Variants in TSC2 observed in about 807,000 individuals in gnomAD.
TSC2 encodes tuberin.
In TSC2, 29 loss-of-function variants were observed where a neutral mutation model predicts 202.2. The observed-to-expected ratio is 0.14, with a 90% CI of 0.11 to 0.20. The LOEUF is 0.20. TSC2 is among the 10% of genes least tolerant of loss of function. The probability of loss-of-function intolerance (pLI) is 1.00; values close to 1 mark genes in which losing one functional copy is unlikely to be tolerated. For missense variants in TSC2, 2,429 were observed against 2,420.0 expected (o/e 1.00, Z -0.08); for synonymous variants, 1,349 against 1,044.0 (o/e 1.29, Z -5.63).
At position 2,056,750 on chromosome 16, in the gene TSC2, T is replaced by C; in HGVS notation, c.755T>C (p.Leu252Pro). ...TLCRTINVKE[L>P]CEPCWKLMRN... The stretch of plus-strand genomic sequence containing the variant: ...TGTCGCACCATCAACGTCAAGGAGC[T>C]CTGCGAGCCTTGCTGGAAGGTGGGG... The change falls in exon 8 of 42, where the codon CTC becomes CCC. Residue 252 changes from leucine to proline, a missense_variant. Leu to Pro is a moderately conservative substitution (Grantham distance 98, BLOSUM62 -3). Coordinates refer to ENST00000219476, the MANE Select transcript of TSC2 (RefSeq NM_000548.5). 1 of 1,610,492 alleles carries C rather than the reference T, an allele frequency of 6.2e-7. No homozygotes were observed. The highest frequency in any genetic ancestry group is 8.5e-7 in the Non-Finnish European group (1 of 1,180,006).
At chr16:2,062,144 C>A in intron 12 of TSC2, 136 bp downstream of exon 12, 1 of 1,305,318 alleles carries the variant, frequency 7.7e-7, no homozygotes. Context: ...CTGCACTCGG[C>A]AGGGAAGGCT....
chr16:2,060,300 C>A (rs1016638819), intron 10 of TSC2, among the ~76,000 whole-genome samples: 1 of 152,204 alleles, frequency 6.6e-6, no homozygotes, highest in Admixed American at 6.5e-5. Context: ...TCTGCTCTTC[C>A]TGCTACCCCC....
At position 2,071,631 on chromosome 16, in the gene TSC2, G is replaced by A. The variant is rs752601710; in HGVS notation, c.1946+15G>A. 57 of 1,612,858 alleles carry A rather than the reference G, an allele frequency of 3.5e-5. 1 individual carries two copies. The highest frequency in any genetic ancestry group is 1.5e-4 in the Admixed American group (9 of 59,976). On this transcript the variant is annotated intron_variant, in intron 18 of 41. Coordinates refer to ENST00000219476, the MANE Select transcript of TSC2 (RefSeq NM_000548.5). ...TGCGACTACATGTACGCGGGACCTC[G>A]CCCACGGCCCATGAGGCTCAGGGCG...
In TSC2 at chr16:2,071,875, C is replaced by T. The variant is rs876658578; in HGVS notation, c.2038C>T (p.Arg680Trp). The T allele has an allele frequency of 8.1e-6, 13 of 1,596,506 alleles. No homozygotes were observed. The highest frequency in any genetic ancestry group is 4.5e-5 in the East Asian group (2 of 44,036). Residue 680 changes from arginine (R) to tryptophan (W), a missense_variant, in exon 19 of 42, where the codon CGG becomes TGG. Coordinates refer to ENST00000219476, the MANE Select transcript of TSC2 (RefSeq NM_000548.5). ...CCCGGCGCCTGCAGGCCCCGCCGTG[C>T]GGCTGGGGTCCGTGCCCTACTCCCT... ...PGPAPAGPAV[R>W]LGSVPYSLLF...
chr16:2,081,235 G>C (rs368013336), intron 30 of TSC2: 2 of 379,098 alleles, frequency 5.3e-6, no homozygotes. Context: ...CAGAGCCCAG[G>C]GACAGAGGGA....
chr16:2,073,072 G>A lies in TSC2; in HGVS notation c.2355+89G>A, dbSNP rs987295194. 2.1e-5 allele frequency: 33 copies of A among 1,587,730 alleles called. No homozygotes were observed. The East Asian group carries it at 3.4e-4, about 16-fold the overall frequency. ...TAGGCCCCACATTTTTCTCATAAAC[G>A]AGTTTCTGCCAGGCCAGGGATGAGT... On this transcript the variant is annotated intron_variant, in intron 21 of 41. Coordinates refer to ENST00000219476, the MANE Select transcript of TSC2 (RefSeq NM_000548.5).
Position 2,088,835 on chromosome 16 carries a change from C to T in TSC2, c.*225C>T. The stretch of plus-strand genomic sequence containing the variant: ...AAGCAGGCACAGCCAGCTCCGAGGG[C>T]CTTGAGGCTGCCTGGGCCATACAGC... On this transcript the variant is annotated 3_prime_UTR_variant, in exon 42 of 42. Coordinates refer to ENST00000219476, the MANE Select transcript of TSC2 (RefSeq NM_000548.5). 4 of 610,376 alleles carry T rather than the reference C, an allele frequency of 6.6e-6. No individual in the cohort carries two copies. Among genetic ancestry groups the T allele is most frequent in the Non-Finnish European group, 8.5e-6 (3 of 351,696 alleles). The allele number at this position is 610,376 out of a possible 1,614,324, so 37.8% of individuals were successfully genotyped here. A position where few individuals can be genotyped will look rare whatever the true frequency, so the allele number is the denominator to read the frequency against.
In TSC2 at chr16:2,064,421, C is replaced by G. The variant is rs45517180; in HGVS notation, c.1593C>G (p.Ile531Met). 2.5e-6 allele frequency: 4 copies of G among 1,613,510 alleles called. No homozygotes were observed. Among genetic ancestry groups the G allele is most frequent in the African/African-American group, 1.3e-5 (1 of 75,064 alleles). The change falls in exon 15 of 42, where the codon ATC becomes ATG. Residue 531 changes from isoleucine to methionine, a missense_variant. Physicochemically the swap from Ile to Met is conservative, Grantham distance 10 (BLOSUM62 1). Coordinates refer to ENST00000219476, the MANE Select transcript of TSC2 (RefSeq NM_000548.5). Reference protein sequence around the residue: ...THHFNSLLDIIEKVMARSLSP... With the variant: ...THHFNSLLDIMEKVMARSLSP... ...ACTTCAACAGCCTGCTGGACATCATCGAGAAGGTGAGAGCCGTTGTACCCG... is the reference window on the plus strand; with the variant it reads ...ACTTCAACAGCCTGCTGGACATCATGGAGAAGGTGAGAGCCGTTGTACCCG...
chr16:2,080,580 T>G, intron 30 of TSC2: 7 of 609,804 alleles, frequency 1.1e-5, no homozygotes, highest in Non-Finnish European at 1.7e-5. Context: ...ACCTCCCGGG[T>G]TCACGCCATT....
intron 10 of TSC2, among the ~76,000 whole-genome samples, chr16:2,059,671 C>T (rs1013607976): frequency 3.3e-5 from 5 of 152,108 alleles, no homozygotes; most frequent in African/African-American, 1.2e-4. Flanking sequence ...AGGCATGGGC[C>T]ACTACACACA....
rs376712566 is a variant in TSC2 at position 2,088,034 on chromosome 16, C to G, written c.5069-14C>G. 1.9e-6 allele frequency: 3 copies of G among 1,611,700 alleles called. No homozygotes were observed. Among genetic ancestry groups the G allele is most frequent in the African/African-American group, 2.7e-5 (2 of 74,622 alleles). On this transcript the variant is annotated splice_polypyrimidine_tract_variant and intron_variant, in intron 39 of 41. Transcript: ENST00000219476. ...AAGAGCCCTGGGCCTGGCGTGACCACCAAGTCTCCCCAGACATGGAGGGCC... is the reference window on the plus strand; with the variant it reads ...AAGAGCCCTGGGCCTGGCGTGACCAGCAAGTCTCCCCAGACATGGAGGGCC...
At chr16:2,078,843 T>A in intron 26 of TSC2, 189 bp from the exon 27 acceptor site, 1 of 707,652 alleles carries the variant, frequency 1.4e-6, no homozygotes, top group Non-Finnish European at 2.4e-6. Context: ...ACCCAGCGTC[T>A]CCCCGTTCTC....
At chr16:2,076,932 C>A (rs2089471380) in intron 25 of TSC2, among the ~76,000 whole-genome samples, 1 of 152,152 alleles carries the variant, frequency 6.6e-6, no homozygotes, top group South Asian at 2.1e-4. Context: ...GACTCTGCTT[C>A]ATCACCGCCG....
chr16:2,058,081 G>A (rs1292367217), intron 9 of TSC2, among the ~76,000 whole-genome samples: 7 of 117,014 alleles, frequency 6.0e-5, no homozygotes, highest in African/African-American at 2.3e-4. Flanking sequence ...AGGCCCTGGG[G>A]CCCAGCCCTG....
Position 2,082,426 on chromosome 16 carries a change from T to TC in TSC2, c.3815-7dup. ...CTGCTGACGTGGCCGCACACGGCCTTCCCTTGCAGTGGCCTCTTTCTCCTC... is the reference window on the plus strand; with the variant it reads ...CTGCTGACGTGGCCGCACACGGCCTTCCCCTTGCAGTGGCCTCTTTCTCCTC... On this transcript the variant is annotated splice_polypyrimidine_tract_variant and intron_variant, in intron 31 of 41. Transcript: ENST00000219476. The TC allele has an allele frequency of 6.2e-7, 1 of 1,612,540 alleles. No individual in the cohort carries two copies. The highest frequency in any genetic ancestry group is 8.5e-7 in the Non-Finnish European group (1 of 1,179,988).
intron 10 of TSC2, 100 bp downstream of exon 10, chr16:2,058,973 T>G (rs2086266589): frequency 6.5e-7 from 1 of 1,539,928 alleles, no homozygotes; most frequent in Non-Finnish European, 8.7e-7. Context: ...GGGGCTGCGG[T>G]GGCATTTCTA....
intron 16 of TSC2, among the ~76,000 whole-genome samples, chr16:2,069,116 A>C (rs2087830630): frequency 6.6e-6 from 1 of 152,146 alleles, no homozygotes; most frequent in Admixed American, 6.5e-5. Flanking sequence ...CACAATGGAC[A>C]CGGTGACAAG....
chr16:2,053,287 G>A, intron 3 of TSC2, 55 bp from the exon 4 acceptor site: 1 of 1,531,058 alleles, frequency 6.5e-7, no homozygotes, highest in South Asian at 1.2e-5. Flanking sequence ...CCAGTTGCCG[G>A]GGCCAGGGTT....
intron 3 of TSC2, among the ~76,000 whole-genome samples, chr16:2,052,875 G>A (rs934857970): frequency 6.6e-6 from 1 of 152,180 alleles, no homozygotes; most frequent in Non-Finnish European, 1.5e-5. Context: ...GGTCGGGCAG[G>A]GGCATGGGGT....
Sources: gnomAD v4.1 joint callset for allele counts (sites outside exome capture counted in the v4.1 genomes callset) on GRCh38, gnomAD v4.1.1 for gene constraint, MANE v1.5 for transcripts, NCBI Gene and HGNC (gene_info 2026-07-23, HGNC 2026-07-21) for gene names.